The following EYA1 variants were observed in gnomAD, a reference collection of about 807,000 sequenced individuals.
The protein encoded by EYA1 is EYA transcriptional coactivator and phosphatase 1, also known as protein phosphatase EYA1.
In EYA1, 16 loss-of-function variants were observed where a neutral mutation model predicts 82.0. The ratio of observed to expected loss-of-function variants is 0.20; its 90% CI spans 0.13 to 0.30. EYA1 has a LOEUF of 0.30. EYA1 is among the 10% of genes least tolerant of loss of function. The pLI is 1.00. For synonymous variants in EYA1, 261 were observed against 264.4 expected (o/e 0.99, Z 0.12); for missense variants, 633 against 730.7 (o/e 0.87, Z 1.54).
At chr8:71,351,149 T>C (rs1010717499) in intron 3 of EYA1, among the ~76,000 whole-genome samples, 5 of 152,148 alleles carry the variant, frequency 3.3e-5, no homozygotes, top group African/African-American at 1.2e-4. Context: ...GGCCTCCAAT[T>C]GCATCTGGTT....
At chr8:71,230,878 T>G (rs2128880336) in intron 12 of EYA1, among the ~76,000 whole-genome samples, 1 of 152,354 alleles carries the variant, frequency 6.6e-6, no homozygotes, top group East Asian at 1.9e-4. Context: ...TTCAATATAT[T>G]CTTCCTGGGA....
At chr8:71,528,962 C>T (rs563411670) in intron 2 of EYA1, among the ~76,000 whole-genome samples, 1 of 152,276 alleles carries the variant, frequency 6.6e-6, no homozygotes, top group East Asian at 1.9e-4. Context: ...GGCCTTGACG[C>T]TAGTGGCTGT....
intron 2 of EYA1, among the ~76,000 whole-genome samples, chr8:71,458,948 A>C (rs904620815): frequency 1.3e-5 from 2 of 152,158 alleles, no homozygotes; most frequent in Non-Finnish European, 2.9e-5. Flanking sequence ...TAAAGAGGGC[A>C]GGAGGGTTCT....
chr8:71,261,755 T>G (rs757003005), intron 11 of EYA1, among the ~76,000 whole-genome samples: 14 of 152,150 alleles, frequency 9.2e-5, no homozygotes, highest in Non-Finnish European at 1.9e-4. Flanking sequence ...CTGGCCAAAT[T>G]GGCTTCAACA....
At chr8:71,526,273 T>G (rs1813811583) in intron 2 of EYA1, among the ~76,000 whole-genome samples, 1 of 150,558 alleles carries the variant, frequency 6.6e-6, no homozygotes, top group South Asian at 2.1e-4. Context: ...TTACACATAT[T>G]TATATAATTA....
chr8:71,396,461 A>C (rs7835254), intron 2 of EYA1, among the ~76,000 whole-genome samples: 1 of 152,060 alleles, frequency 6.6e-6, no homozygotes, highest in Non-Finnish European at 1.5e-5. Context: ...ACACTGCTTT[A>C]AATGTGTCCC....
chr8:71,534,057 T>C (rs1814503802), intron 2 of EYA1, among the ~76,000 whole-genome samples: 2 of 152,338 alleles, frequency 1.3e-5, no homozygotes, highest in South Asian at 4.1e-4. Context: ...TCTTCTGTCT[T>C]AAATTAGAAT....
At chr8:71,294,500 T>C (rs1819386712) in intron 9 of EYA1, among the ~76,000 whole-genome samples, 1 of 151,876 alleles carries the variant, frequency 6.6e-6, no homozygotes, top group African/African-American at 2.4e-5. Flanking sequence ...TTTCCATCAA[T>C]ACTAGAGAGG....
intron 12 of EYA1, among the ~76,000 whole-genome samples, chr8:71,223,623 G>A (rs567433884): frequency 3.9e-5 from 6 of 152,274 alleles, no homozygotes; most frequent in Non-Finnish European, 5.9e-5. Context: ...ACAGCCATGC[G>A]GCAAATGCAC....
At chr8:71,440,666 G>A (rs533895483) in intron 2 of EYA1, among the ~76,000 whole-genome samples, 6 of 152,298 alleles carry the variant, frequency 3.9e-5, no homozygotes, top group Middle Eastern at 3.4e-3. Context: ...TGGGCATCTG[G>A]ATATGAACTT....
chr8:71,528,403 A>C (rs1233057829), intron 2 of EYA1, among the ~76,000 whole-genome samples: 1 of 152,140 alleles, frequency 6.6e-6, no homozygotes, highest in Non-Finnish European at 1.5e-5. Flanking sequence ...TTTTCCTGTC[A>C]AGGTTTTATT....
chr8:71,244,472 T>C (rs1812836464), intron 12 of EYA1, 131 bp downstream of exon 12: 4 of 608,078 alleles, frequency 6.6e-6, no homozygotes, highest in South Asian at 5.6e-5. Flanking sequence ...GCAAAACACA[T>C]TGCCATATTA....
intron 1 of EYA1, 27 bp downstream of exon 1, chr8:71,361,619 AT>A: frequency 1.0e-6 from 1 of 975,380 alleles, no homozygotes; most frequent in Non-Finnish European, 1.2e-6. Flanking sequence ...AGTCACTACA[AT>A]TTTTCAAACA....
intron 17 of EYA1, among the ~76,000 whole-genome samples, chr8:71,201,008 T>C (rs1162188885): frequency 7.0e-6 from 1 of 143,032 alleles, no homozygotes; most frequent in African/African-American, 2.6e-5. Flanking sequence ...AAATTCATTG[T>C]TGGCATACTA....
intron 2 of EYA1, among the ~76,000 whole-genome samples, chr8:71,455,713 C>A (rs4737319): frequency 0.49 from 74,358 of 152,038 alleles, 20,946 homozygotes; most frequent in African/African-American, 0.76. Context: ...AACAGCCTTC[C>A]TGCTAAAAAC....
intron 2 of EYA1, among the ~76,000 whole-genome samples, chr8:71,424,316 A>T (rs904012698): frequency 2.3e-4 from 35 of 152,358 alleles, no homozygotes; most frequent in Middle Eastern, 3.4e-3. Context: ...TCTGAGTCAA[A>T]ATTCAATGAT....
chr8:71,424,839 C>T (rs944370233), intron 2 of EYA1, among the ~76,000 whole-genome samples: 5 of 152,006 alleles, frequency 3.3e-5, no homozygotes, highest in Non-Finnish European at 7.4e-5. Context: ...TGCGGCTCTA[C>T]GGGCTAAGAG....
At chr8:71,466,702 A>G (rs544322675) in intron 2 of EYA1, among the ~76,000 whole-genome samples, 62 of 152,242 alleles carry the variant, frequency 4.1e-4, no homozygotes, top group African/African-American at 1.5e-3. Flanking sequence ...GGTTTTCTAA[A>G]TTAAATATGT....
chr8:71,243,612 T>A (rs1812745031), intron 12 of EYA1, among the ~76,000 whole-genome samples: 1 of 152,200 alleles, frequency 6.6e-6, no homozygotes, highest in South Asian at 2.1e-4. Flanking sequence ...TGAAAAGAAA[T>A]CAAAATACAG....
Sources: gnomAD v4.1 joint callset for allele counts (sites outside exome capture counted in the v4.1 genomes callset) on GRCh38, gnomAD v4.1.1 for gene constraint, MANE v1.5 for transcripts, NCBI Gene and HGNC (gene_info 2026-07-23, HGNC 2026-07-21) for gene names.